The following HDAC9 variants were observed in gnomAD, a reference collection of about 807,000 sequenced individuals.
HDAC9 encodes histone deacetylase 9.
In HDAC9, 41 loss-of-function variants were observed where a neutral mutation model predicts 139.4. The ratio of observed to expected loss-of-function variants is 0.29; its 90% CI spans 0.23 to 0.38. The LOEUF (loss-of-function observed/expected upper bound fraction) is 0.38. Ranked by LOEUF, HDAC9 falls within the 10% of genes least tolerant of loss-of-function variation. The pLI is 1.00. For missense variants in HDAC9, 1,147 were observed against 1,297.0 expected, an observed-to-expected ratio of 0.88 and a Z score of 1.78; for synonymous variants, 517 against 476.2, an observed-to-expected ratio of 1.09 and a Z score of -1.12.
intron 6 of HDAC9, among the ~76,000 whole-genome samples, chr7:18,600,328 G>A (rs1212855359): frequency 6.6e-6 from 1 of 151,834 alleles, no homozygotes; most frequent in South Asian, 2.1e-4. Flanking sequence ...TCCTTTCATC[G>A]ATCATGCTTT....
chr7:18,454,271 AT>A (rs879908444), intron 1 of HDAC9, among the ~76,000 whole-genome samples: 1 of 152,094 alleles, frequency 6.6e-6, no homozygotes, highest in Non-Finnish European at 1.5e-5. Context: ...TAATCTTATA[AT>A]TTTAGGTAGG....
intron 6 of HDAC9, among the ~76,000 whole-genome samples, chr7:18,602,879 T>C (rs1834368867): frequency 6.6e-6 from 1 of 152,144 alleles, no homozygotes; most frequent in Non-Finnish European, 1.5e-5. Flanking sequence ...CAGAATGTAT[T>C]CTGTTTTGGT....
chr7:18,498,686 C>G (rs1586328726), intron 2 of HDAC9, among the ~76,000 whole-genome samples: 1 of 151,990 alleles, frequency 6.6e-6, no homozygotes. Flanking sequence ...GAGTCAGACA[C>G]TCTGTATTCT....
chr7:18,381,776 A>G (rs866176141), intron 1 of HDAC9, among the ~76,000 whole-genome samples: 19 of 152,306 alleles, frequency 1.2e-4, no homozygotes, highest in African/African-American at 3.8e-4. Flanking sequence ...TTAGGAAAAT[A>G]CATGCTGACA....
intron 1 of HDAC9, among the ~76,000 whole-genome samples, chr7:18,293,593 T>TTTTTTC (rs1230739347): frequency 6.6e-6 from 1 of 152,128 alleles, no homozygotes; most frequent in Admixed American, 6.6e-5. Flanking sequence ...TCATCTTGGT[T>TTTTTTC]TTTTTCTTTT....
intron 1 of HDAC9, among the ~76,000 whole-genome samples, chr7:18,339,182 GTCAGTAT>G (rs1781806561): frequency 6.6e-6 from 1 of 151,068 alleles, no homozygotes; most frequent in Non-Finnish European, 1.5e-5. Flanking sequence ...CTACAAGTTT[GTCAGTAT>G]TCTGGATCTT....
intron 1 of HDAC9, among the ~76,000 whole-genome samples, chr7:18,476,783 C>A (rs1254202848): frequency 6.6e-6 from 1 of 152,112 alleles, no homozygotes; most frequent in Non-Finnish European, 1.5e-5. Flanking sequence ...CCACACAGGT[C>A]CCAAATAGAT....
intron 12 of HDAC9, among the ~76,000 whole-genome samples, chr7:18,679,655 T>A (rs1781761644): frequency 6.6e-6 from 1 of 151,596 alleles, no homozygotes; most frequent in Non-Finnish European, 1.5e-5. Flanking sequence ...CCTACTAAAT[T>A]TATTAGACCG....
intron 22 of HDAC9, among the ~76,000 whole-genome samples, chr7:18,906,178 T>C (rs577099576): frequency 6.6e-6 from 1 of 151,986 alleles, no homozygotes; most frequent in East Asian, 1.9e-4. Context: ...TCACTCTATC[T>C]CCCAGGCAGG....
chr7:18,432,658 C>T (rs1442431361), intron 1 of HDAC9, among the ~76,000 whole-genome samples: 1 of 152,080 alleles, frequency 6.6e-6, no homozygotes, highest in African/African-American at 2.4e-5. Context: ...CTTGAAATAC[C>T]AGTGGAAGGC....
At chr7:18,140,852 A>C (rs1463523479) in intron 1 of HDAC9, among the ~76,000 whole-genome samples, 1 of 151,806 alleles carries the variant, frequency 6.6e-6, no homozygotes, top group South Asian at 2.1e-4. Context: ...AATTTCTTTG[A>C]CACAGCATTT....
chr7:18,145,667 A>C (rs1490385775), intron 1 of HDAC9, among the ~76,000 whole-genome samples: 1 of 152,222 alleles, frequency 6.6e-6, no homozygotes, highest in African/African-American at 2.4e-5. Flanking sequence ...AATAGAAGTT[A>C]CAGAGGGGTA....
chr7:18,276,334 A>G (rs1162012678), intron 2 of HDAC9, among the ~76,000 whole-genome samples: 1 of 152,202 alleles, frequency 6.6e-6, no homozygotes, highest in East Asian at 1.9e-4. Flanking sequence ...TTGATACAGT[A>G]TTTCCTTTAT....
At chr7:18,918,509 G>T (rs1803409910) in intron 22 of HDAC9, among the ~76,000 whole-genome samples, 2 of 152,058 alleles carry the variant, frequency 1.3e-5, no homozygotes, top group African/African-American at 4.8e-5. Context: ...CTCAGGTTAA[G>T]AATAGACATA....
At position 18,320,879 on chromosome 7, in the gene HDAC9, A is replaced by G. The variant is rs16872004; in HGVS notation, c.-42+30364A>G. 3.4e-4 allele frequency among the ~76,000 whole-genome samples: 52 copies of G among 152,264 alleles called. No individual in the cohort carries two copies. The East Asian group carries it at 9.5e-3, about 28-fold the overall frequency. On this transcript the variant is annotated intron_variant, in intron 1 of 3. Coordinates refer to the HDAC9 transcript ENST00000413509. ...TGTGTGACCTCAAGCAGTCCCATAA[A>G]CTTTTTAGGAGAACTTTCCAATTGT... is the stretch of plus-strand genomic sequence containing the variant.
At position 18,422,743 on chromosome 7, in the gene HDAC9, C is replaced by T. The variant is rs533264889; in HGVS notation, c.-41-73519C>T. ...TCATTAGCTTTAAGACACACACACG[C>T]GCACACACACACACACACACACACA... On this transcript the variant is annotated intron_variant, in intron 1 of 3. Coordinates refer to the HDAC9 transcript ENST00000413509. 2.9e-3 allele frequency among the ~76,000 whole-genome samples: 15 copies of T among 5,250 alleles called. 1 individual carries two copies. Among genetic ancestry groups the T allele is most frequent in the African/African-American group, 4.4e-3 (15 of 3,432 alleles). 3.4% of individuals were successfully genotyped at this position (5,250 alleles called of 152,430 possible).
intron 21 of HDAC9, among the ~76,000 whole-genome samples, chr7:18,843,602 T>C (rs1340204975): frequency 6.6e-6 from 1 of 152,134 alleles, no homozygotes; most frequent in Admixed American, 6.6e-5. Context: ...TACTTATCCT[T>C]TACTTCATTG....
chr7:18,539,980 G>A (rs912044955), intron 2 of HDAC9, among the ~76,000 whole-genome samples: 6 of 151,610 alleles, frequency 4.0e-5, no homozygotes, highest in Admixed American at 1.3e-4. Context: ...AATGTTGGCC[G>A]GGCACGGTGG....
At chr7:18,215,425 T>A (rs1792237523) in intron 2 of HDAC9, among the ~76,000 whole-genome samples, 2 of 152,162 alleles carry the variant, frequency 1.3e-5, no homozygotes, top group Non-Finnish European at 1.5e-5. Flanking sequence ...CTATAGTTGG[T>A]GTTCAAGAAA....
Sources: gnomAD v4.1 joint callset for allele counts (sites outside exome capture counted in the v4.1 genomes callset) on GRCh38, gnomAD v4.1.1 for gene constraint, MANE v1.5 for transcripts, NCBI Gene and HGNC (gene_info 2026-07-23, HGNC 2026-07-21) for gene names.